SMTN: variants seen among roughly 807,000 people sequenced by gnomAD.
SMTN encodes the protein smoothelin.
SMTN carries 58 observed loss-of-function variants against 102.0 expected under a neutral mutation model. The ratio of observed to expected loss-of-function variants is 0.57; its 90% CI spans 0.46 to 0.71. The LOEUF (loss-of-function observed/expected upper bound fraction) is 0.71, where lower values mean the gene tolerates loss of function less well. Ranked by LOEUF, SMTN falls within the 30% of genes least tolerant of loss-of-function variation. The probability of loss-of-function intolerance (pLI) is 0.00; values close to 1 mark genes in which losing one functional copy is unlikely to be tolerated. For missense variants in SMTN, 1,185 were observed against 1,241.7 expected (o/e 0.95, Z 0.69); for synonymous variants, 478 against 497.9 (o/e 0.96, Z 0.53).
chr22:31,069,185 T>G (rs1276113140), intron 1 of SMTN, among the ~76,000 whole-genome samples: 2 of 152,112 alleles, frequency 1.3e-5, no homozygotes, highest in Admixed American at 1.3e-4. Context: ...TTATTATACG[T>G]CTGATTGAAT....
At chr22:31,100,305 C>T (rs2043971820) in intron 19 of SMTN, among the ~76,000 whole-genome samples, 2 of 152,318 alleles carry the variant, frequency 1.3e-5, no homozygotes, top group South Asian at 4.1e-4. Context: ...CGTGCCCGCC[C>T]AGCCTATATA....
chr22:31,097,539 A>G (rs942037694), intron 16 of SMTN, among the ~76,000 whole-genome samples: 4 of 151,962 alleles, frequency 2.6e-5, no homozygotes, highest in African/African-American at 7.3e-5. Context: ...CCTCATCTCT[A>G]CTAAAAATAC....
Position 31,095,999 on chromosome 22 carries a change from G to A in SMTN, c.1861+390G>A, listed in dbSNP as rs1479090591. 2.7e-5 allele frequency: 8 copies of A among 300,694 alleles called. No homozygotes were observed. The highest frequency in any genetic ancestry group is 3.2e-5 in the Non-Finnish European group (5 of 158,396). 18.6% of individuals were successfully genotyped at this position (300,694 alleles called of 1,614,324 possible). A position where few individuals can be genotyped will look rare whatever the true frequency, so the allele number is the denominator to read the frequency against. Reference sequence around the variant, plus strand: ...TCCATTGATGGCCATCTTAGCCTCTGCCCCATCCAGCTTCCCTTTTCCTGG... The same window carrying A: ...TCCATTGATGGCCATCTTAGCCTCTACCCCATCCAGCTTCCCTTTTCCTGG... On this transcript the variant is annotated intron_variant, in intron 13 of 20. Coordinates refer to ENST00000333137, the MANE Select transcript of SMTN (RefSeq NM_134269.3). The surrounding 1 kb of genome is among the most constrained non-coding windows in gnomAD (Gnocchi z 4.1).
chr22:31,095,867 C>T lies in SMTN; in HGVS notation c.1861+258C>T, dbSNP rs1287480069. On this transcript the variant is annotated intron_variant, in intron 13 of 20. Coordinates refer to ENST00000333137, the MANE Select transcript of SMTN (RefSeq NM_134269.3). The surrounding 1 kb of genome is among the most constrained non-coding windows in gnomAD (Gnocchi z 4.1). ...TCCTTCCTAGACCCAGATACTCCCT[C>T]CCGCAGCTACTCTCTCCTTGGATCC... 4 of 551,404 alleles carry T rather than the reference C, an allele frequency of 7.3e-6. No individual in the cohort carries two copies. The highest frequency in any genetic ancestry group is 1.3e-5 in the Non-Finnish European group (4 of 309,920). The allele number at this position is 551,404 out of a possible 1,614,324, so 34.2% of individuals were successfully genotyped here.
At chr22:31,083,059 A>G in intron 1 of SMTN, 120 bp from the exon 2 acceptor site, 3 of 1,456,002 alleles carry the variant, frequency 2.1e-6, no homozygotes, top group Non-Finnish European at 9.4e-7. Context: ...CAGGAGCCAC[A>G]TTATAGGATG....
rs759109197 is a variant in SMTN at position 31,089,940 on chromosome 22, C to A, written c.713C>A (p.Pro238His). Residue 238 changes from proline to histidine, a missense_variant, in exon 7 of 21, where the codon CCC becomes CAC. By Grantham distance (77) the Pro-to-His change is moderately conservative (BLOSUM62 -2). Around this residue, in one of 2 missense-constraint regions of SMTN, gnomAD observed 1,096 missense variants for 1,112.7 expected, o/e 0.98. Coordinates refer to ENST00000333137, the MANE Select transcript of SMTN (RefSeq NM_134269.3). Reference protein sequence around the residue: ...AEVPGSPEPPPSPPKTTSPEP... With the variant: ...AEVPGSPEPPHSPPKTTSPEP... ...GTTCCAGGCAGCCCAGAGCCACCCC[C>A]CAGCCCACCCAAGACCACCAGCCCT... The A allele has an allele frequency of 3.7e-6, 6 of 1,601,134 alleles. No individual in the cohort carries two copies. Among genetic ancestry groups the A allele is most frequent in the Non-Finnish European group, 5.1e-6 (6 of 1,173,880 alleles).
intron 19 of SMTN, 152 bp from the exon 20 acceptor site, chr22:31,100,733 A>T: frequency 1.7e-6 from 1 of 602,800 alleles, no homozygotes. Context: ...TGGAATCGTA[A>T]TTGAACTCAT....
chr22:31,094,802 T>C (rs2043442105), intron 11 of SMTN, among the ~76,000 whole-genome samples: 2 of 152,086 alleles, frequency 1.3e-5, no homozygotes, highest in African/African-American at 4.8e-5. Flanking sequence ...CTACCTCAGC[T>C]TTCTGAGTAG....
intron 8 of SMTN, 69 bp downstream of exon 8, chr22:31,090,249 A>G: frequency 7.5e-7 from 1 of 1,332,680 alleles, no homozygotes; most frequent in East Asian, 2.3e-5. Context: ...TTCCCTGCCT[A>G]GAAAATGGGC....
chr22:31,093,808 G>C (rs750478598), intron 11 of SMTN: 1 of 1,593,176 alleles, frequency 6.3e-7, no homozygotes, highest in South Asian at 1.1e-5. Context: ...CGGGACCCCC[G>C]TGGCCCACCC....
rs760719566 is a variant in SMTN, at chr22:31,088,951, C to T, written c.453C>T (p.His151=). The T allele has an allele frequency of 3.1e-6, 5 of 1,613,526 alleles. No homozygotes were observed. Among genetic ancestry groups the T allele is most frequent in the African/African-American group, 1.3e-5 (1 of 74,926 alleles). ...AGGACAGCAAGGGGCTAGCGGCACA[C>T]AGGCTGGAACAGTGTGAGGTAAGGA... is the stretch of plus-strand genomic sequence containing the variant. The part of the protein sequence containing the change: ...SREDSKGLAA[H]RLEQCEVPER... The change falls in exon 6 of 21, where the codon CAC becomes CAT. Residue 151 remains histidine (H), a synonymous_variant. Coordinates refer to ENST00000333137, the MANE Select transcript of SMTN (RefSeq NM_134269.3).
intron 11 of SMTN, among the ~76,000 whole-genome samples, chr22:31,094,449 C>A (rs2043403847): frequency 6.6e-6 from 1 of 152,218 alleles, no homozygotes; most frequent in South Asian, 2.1e-4. Flanking sequence ...TGGGGGGCAA[C>A]ATGTGCTGCC....
In SMTN at chr22:31,096,797, C is replaced by T. The variant is rs116641021; in HGVS notation, c.1926C>T (p.Arg642=). 3,318 of 1,567,660 alleles carry T rather than the reference C, an allele frequency of 2.1e-3. 80 individuals are homozygous for T. In the African/African-American group the frequency reaches 0.041, roughly 19 times the overall value. Residue 642 remains arginine (R), a synonymous_variant, in exon 14 of 21, where the codon CGC becomes CGT. Transcript: ENST00000333137. ...QEARGRPGEG[R]GNTATETTTR... ...CACGGGGCCGGCCAGGGGAGGGGCGCGGCAACACAGCCACTGAGACCACCA... is the reference window on the plus strand; with the variant it reads ...CACGGGGCCGGCCAGGGGAGGGGCGTGGCAACACAGCCACTGAGACCACCA...
chr22:31,068,791 C>T (rs1256210323), intron 1 of SMTN, among the ~76,000 whole-genome samples: 1 of 152,246 alleles, frequency 6.6e-6, no homozygotes, highest in Non-Finnish European at 1.5e-5. Context: ...TAATCATTTC[C>T]GATCGTCAGT....
In SMTN at chr22:31,100,902, C is replaced by T. The variant is rs560280218; in HGVS notation, c.2621C>T (p.Pro874Leu). Residue 874 changes from proline to leucine, a missense_variant, in exon 20 of 21, where the codon CCG becomes CTG. By Grantham distance (98) the Pro-to-Leu change is moderately conservative. Coordinates refer to ENST00000333137, the MANE Select transcript of SMTN (RefSeq NM_134269.3). Reference protein sequence around the residue: ...FSSAETHADCPQLLDTEDMVR... With the variant: ...FSSAETHADCLQLLDTEDMVR... The stretch of plus-strand genomic sequence containing the variant: ...CTCCCCAGGACCCATGCGGACTGCC[C>T]GCAGCTCCTGGATACAGAGGACATG... 6.8e-6 allele frequency: 11 copies of T among 1,606,640 alleles called. No individual in the cohort carries two copies. The highest frequency in any genetic ancestry group is 4.5e-5 in the East Asian group (2 of 44,692).
At chr22:31,090,918 C>A (rs1352135430) in intron 9 of SMTN, 39 bp downstream of exon 9, 1 of 1,612,674 alleles carries the variant, frequency 6.2e-7, no homozygotes, top group Non-Finnish European at 8.5e-7. Context: ...TCTGTGCAGA[C>A]CCTGTCCCAC....
At chr22:31,084,364 C>A (rs1320023858) in intron 2 of SMTN, among the ~76,000 whole-genome samples, 1 of 152,240 alleles carries the variant, frequency 6.6e-6, no homozygotes, top group East Asian at 1.9e-4. Flanking sequence ...TGGAACCAAC[C>A]AGCGTAGCCC....
At chr22:31,066,878 C>G (rs1428030762) in intron 1 of SMTN, 1 of 150,870 alleles carries the variant, frequency 6.6e-6, no homozygotes, top group Non-Finnish European at 1.5e-5. Context: ...ACTCAGTTTC[C>G]TGAGTAGCTG....
At chr22:31,104,134 A>G (rs2044308898) in intron 20 of SMTN, 182 bp from the exon 21 acceptor site, 1 of 639,612 alleles carries the variant, frequency 1.6e-6, no homozygotes, top group African/African-American at 1.8e-5. Flanking sequence ...CCGCCCCGAG[A>G]GATGCCTCCA....
Sources: gnomAD v4.1 joint callset for allele counts (sites outside exome capture counted in the v4.1 genomes callset) on GRCh38, gnomAD v4.1.1 for gene constraint, gnomAD v4.1.1 regional missense constraint, Gnocchi (gnomAD v3.1) non-coding constraint, MANE v1.5 for transcripts, NCBI Gene and HGNC (gene_info 2026-07-23, HGNC 2026-07-21) for gene names.